The following NPR3 variants were observed in gnomAD, a reference collection of about 807,000 sequenced individuals.
The protein encoded by NPR3 is atrial natriuretic peptide receptor 3.
Under a neutral mutation model 54.5 loss-of-function variants are expected in NPR3, and 34 were observed. The ratio of observed to expected loss-of-function variants is 0.62; its 90% CI spans 0.47 to 0.83. The LOEUF (loss-of-function observed/expected upper bound fraction) is 0.83. NPR3 is among the 40% of genes least tolerant of loss of function. The pLI, the probability that NPR3 is intolerant of heterozygous loss-of-function variation, is 0.00. For missense variants in NPR3, 674 were observed against 720.8 expected, an observed-to-expected ratio of 0.94 and a Z score of 0.74; for synonymous variants, 289 against 297.1, an observed-to-expected ratio of 0.97 and a Z score of 0.28.
chr5:32,774,776 C>T lies in NPR3; in HGVS notation c.1128C>T (p.Leu376=). 6.2e-7 allele frequency: 1 copy of T among 1,600,664 alleles called. No homozygotes were observed. The highest frequency in any genetic ancestry group is 8.6e-7 in the Non-Finnish European group (1 of 1,167,738). The change falls in exon 4 of 8, where the codon CTC becomes CTT. Residue 376 remains leucine, a synonymous_variant. Coordinates refer to ENST00000265074, the MANE Select transcript of NPR3 (RefSeq NM_001204375.2). ...ACGTCTTGGCTCTACATGAAGTACT[C>T]AGAGCTGGTTACAGCAAAAAGGATG... is the stretch of plus-strand genomic sequence containing the variant. The part of the protein sequence containing the change: ...LLYVLALHEV[L]RAGYSKKDGG...
At chr5:32,736,056 C>T (rs923125032) in intron 2 of NPR3, among the ~76,000 whole-genome samples, 11 of 151,776 alleles carry the variant, frequency 7.2e-5, no homozygotes, top group Non-Finnish European at 2.9e-5. Context: ...CATAGTGAAA[C>T]CCTGTCCCTA....
chr5:32,707,853 A>G (rs1050343268), upstream of NPR3, among the ~76,000 whole-genome samples: 4 of 152,212 alleles, frequency 2.6e-5, no homozygotes, highest in African/African-American at 9.6e-5. Context: ...TAGTTTTCCT[A>G]TATTAATGCT....
At chr5:32,784,336 C>T (rs1186220280) in intron 6 of NPR3, among the ~76,000 whole-genome samples, 1 of 152,134 alleles carries the variant, frequency 6.6e-6, no homozygotes, top group Non-Finnish European at 1.5e-5. Context: ...TTACAGGTGC[C>T]TGCCACCACA....
chr5:32,754,376 A>G (rs544448495), intron 3 of NPR3, among the ~76,000 whole-genome samples: 3 of 152,056 alleles, frequency 2.0e-5, no homozygotes, highest in African/African-American at 7.2e-5. Context: ...AAGCTCAAGC[A>G]CTTTGAGTGA....
intron 1 of NPR3, among the ~76,000 whole-genome samples, chr5:32,703,119 A>T (rs1737873812): frequency 6.6e-6 from 1 of 152,182 alleles, no homozygotes; most frequent in African/African-American, 2.4e-5. Context: ...CTTCAGGATT[A>T]TGATGAGTAC....
At chr5:32,713,480 C>G (rs899133129) in intron 1 of NPR3, 85 of 983,134 alleles carry the variant, frequency 8.6e-5, no homozygotes, top group Middle Eastern at 5.2e-4. Context: ...GCCGGTATAG[C>G]GCCGATCCCT....
upstream of NPR3, chr5:32,710,277 G>C (rs1738140653): frequency 6.5e-6 from 1 of 154,144 alleles, no homozygotes; most frequent in South Asian, 2.0e-4. Flanking sequence ...GCGCTCCAGA[G>C]AAGGAGCGGT....
intron 3 of NPR3, among the ~76,000 whole-genome samples, chr5:32,753,215 G>T (rs567182514): frequency 1.3e-5 from 2 of 152,060 alleles, no homozygotes. Context: ...ATTAATTTCA[G>T]TTAGAAAGAT....
chr5:32,712,601 C>G, intron 1 of NPR3, 56 bp downstream of exon 1: 3 of 1,469,472 alleles, frequency 2.0e-6, no homozygotes, highest in Non-Finnish European at 2.7e-6. Context: ...CTCCGCGGCT[C>G]TCCCTGCACA....
In NPR3 at chr5:32,711,663, C is replaced by T; in HGVS notation, c.-114C>T. On this transcript the variant is annotated 5_prime_UTR_variant, in exon 1 of 8. Transcript: ENST00000265074. The stretch of plus-strand genomic sequence containing the variant: ...AAGGGGGTATTCTATTTTGTTAAAG[C>T]GCCCAAGGGGGCGCAGGGACCTTGG... 7.7e-7 allele frequency: 1 copy of T among 1,291,410 alleles called. No homozygotes were observed. The highest frequency in any genetic ancestry group is 9.8e-7 in the Non-Finnish European group (1 of 1,023,562). 80.0% of individuals were successfully genotyped at this position (1,291,410 alleles called of 1,614,324 possible). A position where few individuals can be genotyped will look rare whatever the true frequency, so the allele number is the denominator to read the frequency against.
At chr5:32,721,409 C>A (rs928392635) in intron 1 of NPR3, among the ~76,000 whole-genome samples, 1 of 152,216 alleles carries the variant, frequency 6.6e-6, no homozygotes, top group African/African-American at 2.4e-5. Context: ...TGCCTGTAAT[C>A]TCAGCACTTT....
At chr5:32,775,514 T>G (rs1741999896) in intron 4 of NPR3, among the ~76,000 whole-genome samples, 1 of 152,182 alleles carries the variant, frequency 6.6e-6, no homozygotes, top group Non-Finnish European at 1.5e-5. Context: ...CAGGTTGATC[T>G]CTAACTCTTG....
At chr5:32,743,244 A>G (rs1279806135) in intron 3 of NPR3, among the ~76,000 whole-genome samples, 1 of 152,182 alleles carries the variant, frequency 6.6e-6, no homozygotes, top group Admixed American at 6.5e-5. Flanking sequence ...CAGTTTTAAG[A>G]TGCAATACAG....
upstream of NPR3, among the ~76,000 whole-genome samples, chr5:32,706,706 C>A (rs922501106): frequency 3.3e-5 from 5 of 152,112 alleles, no homozygotes; most frequent in Non-Finnish European, 2.9e-5. Flanking sequence ...TAGGTATCTA[C>A]CTTATAGTCC....
intron 3 of NPR3, among the ~76,000 whole-genome samples, chr5:32,768,434 A>G (rs1434190932): frequency 2.0e-5 from 3 of 152,182 alleles, no homozygotes; most frequent in Non-Finnish European, 4.4e-5. Context: ...CCTTGGGAGA[A>G]TTTTCAAAAG....
chr5:32,754,562 A>C (rs1740737852), intron 3 of NPR3, among the ~76,000 whole-genome samples: 1 of 152,118 alleles, frequency 6.6e-6, no homozygotes, highest in South Asian at 2.1e-4. Flanking sequence ...ACTGATCATA[A>C]AATTTCAAAG....
chr5:32,727,057 A>T (rs1341707276), intron 2 of NPR3, among the ~76,000 whole-genome samples: 2 of 152,214 alleles, frequency 1.3e-5, no homozygotes, highest in African/African-American at 4.8e-5. Flanking sequence ...ACATATTTAT[A>T]CATATATATT....
At chr5:32,719,318 G>C (rs963724938) in intron 1 of NPR3, among the ~76,000 whole-genome samples, 4 of 151,912 alleles carry the variant, frequency 2.6e-5, no homozygotes, top group Non-Finnish European at 4.4e-5. Context: ...TTTTTGTTTT[G>C]TTGGACCACA....
chr5:32,695,765 G>C (rs1740516767), intron 1 of NPR3, among the ~76,000 whole-genome samples: 1 of 152,128 alleles, frequency 6.6e-6, no homozygotes, highest in Non-Finnish European at 1.5e-5. Flanking sequence ...GCATTTCTCT[G>C]GTGATCAATG....
Sources: allele counts gnomAD v4.1 joint callset (sites outside exome capture counted in the v4.1 genomes callset), GRCh38; gene constraint gnomAD v4.1.1; transcripts MANE v1.5; gene names NCBI Gene and HGNC (gene_info 2026-07-23, HGNC 2026-07-21).